Variants in HSH2D observed in about 807,000 individuals in gnomAD.
HSH2D encodes the protein hematopoietic SH2 domain containing.
HSH2D carries 16 observed loss-of-function variants against 21.5 expected under a neutral mutation model. That is an observed-to-expected ratio of 0.74 (90% confidence interval 0.50 to 1.13). The LOEUF (loss-of-function observed/expected upper bound fraction) is 1.13. Among genes scored for constraint, HSH2D ranks in the 50% most tolerant of loss-of-function variants. The pLI, the probability that HSH2D is intolerant of heterozygous loss-of-function variation, is 0.00. For missense variants in HSH2D, 418 were observed against 441.4 expected (o/e 0.95, Z 0.47); for synonymous variants, 172 against 184.7 (o/e 0.93, Z 0.56).
At chr19:16,144,844 C>G (rs368862604) in intron 1 of HSH2D, among the ~76,000 whole-genome samples, 1 of 150,846 alleles carries the variant, frequency 6.6e-6, no homozygotes, top group South Asian at 2.1e-4. Context: ...AGGCGCCCGC[C>G]ACCACACCCA....
intron 2 of HSH2D, among the ~76,000 whole-genome samples, chr19:16,152,117 A>T (rs976448757): frequency 2.9e-4 from 40 of 136,870 alleles, no homozygotes; most frequent in African/African-American, 1.1e-3. Context: ...ACAAAAAAAA[A>T]AAAAAAAAGG....
intron 1 of HSH2D, among the ~76,000 whole-genome samples, chr19:16,135,449 C>T (rs1029398526): frequency 6.6e-6 from 1 of 151,986 alleles, no homozygotes; most frequent in African/African-American, 2.4e-5. Context: ...CAAAAAACCT[C>T]CCCAGGTCTT....
chr19:16,140,860 C>T (rs969211572), upstream of HSH2D, among the ~76,000 whole-genome samples: 4 of 151,984 alleles, frequency 2.6e-5, no homozygotes, highest in Non-Finnish European at 5.9e-5. Flanking sequence ...GCACTCCAGC[C>T]TGGGCAACAG....
rs2091106761 is a variant in HSH2D, at chr19:16,148,781, C to T, written c.31C>T (p.Leu11=). 6.2e-7 allele frequency: 1 copy of T among 1,613,988 alleles called. No homozygotes were observed. Among genetic ancestry groups the T allele is most frequent in the Non-Finnish European group, 8.5e-7 (1 of 1,179,894 alleles). MTEAGKLPLP[L]PPRLDWFVHT... ...AGAGGCCGGGAAGCTGCCCCTACCG[C>T]TACCCCCACGGCTGGACTGGTTTGT... The change falls in exon 2 of 6, where the codon CTA becomes TTA. Residue 11 remains leucine (L), a synonymous_variant. Transcript: ENST00000613986.
At chr19:16,135,424 T>A (rs1331075751) in intron 1 of HSH2D, among the ~76,000 whole-genome samples, 1 of 151,460 alleles carries the variant, frequency 6.6e-6, no homozygotes. Context: ...GCAAGACCCT[T>A]TCTCAAAAAA....
Position 16,157,198 on chromosome 19 carries a change from T to C in HSH2D, c.475-12T>C. The C allele has an allele frequency of 6.6e-7, 1 of 1,518,642 alleles. No homozygotes were observed. The highest frequency in any genetic ancestry group is 8.8e-7 in the Non-Finnish European group (1 of 1,134,272). The allele number at this position is 1,518,642 out of a possible 1,614,324, so 94.1% of individuals were successfully genotyped here. A position where few individuals can be genotyped will look rare whatever the true frequency, so the allele number is the denominator to read the frequency against. On this transcript the variant is annotated splice_polypyrimidine_tract_variant and intron_variant, in intron 5 of 5. Coordinates refer to ENST00000613986, the MANE Select transcript of HSH2D (RefSeq NM_001382417.1). This position sits in a 1 kb window ranked among gnomAD's most constrained non-coding sequence, Gnocchi z 4.4. ...GCAAGCTGCCCCAGGCCTCCCCTACTCTCATTTTCAGGCCTCCCCAAAGCC... is the reference window on the plus strand; with the variant it reads ...GCAAGCTGCCCCAGGCCTCCCCTACCCTCATTTTCAGGCCTCCCCAAAGCC...
upstream of HSH2D, among the ~76,000 whole-genome samples, chr19:16,140,067 C>T (rs1038082071): frequency 1.3e-5 from 2 of 152,122 alleles, no homozygotes; most frequent in African/African-American, 4.8e-5. Context: ...AGCGTACCCC[C>T]ATGTTCCTGG....
chr19:16,135,335 G>C (rs536004650), intron 1 of HSH2D, among the ~76,000 whole-genome samples: 1 of 151,880 alleles, frequency 6.6e-6, no homozygotes, highest in Non-Finnish European at 1.5e-5. Context: ...AGGCTGAGGA[G>C]GGAGGATCAC....
chr19:16,150,794 G>A (rs1038121910), intron 2 of HSH2D, among the ~76,000 whole-genome samples: 3 of 151,984 alleles, frequency 2.0e-5, no homozygotes, highest in Admixed American at 1.3e-4. Flanking sequence ...GGAATTCAAG[G>A]TTTCAGTGAG....
At position 16,157,938 on chromosome 19, in the gene HSH2D, C is replaced by T; in HGVS notation, c.*144C>T. 1.6e-6 allele frequency: 1 copy of T among 633,592 alleles called. No individual in the cohort carries two copies. Among genetic ancestry groups the T allele is most frequent in the Non-Finnish European group, 2.7e-6 (1 of 367,586 alleles). The allele number at this position is 633,592 out of a possible 1,614,324, so 39.2% of individuals were successfully genotyped here. A position where few individuals can be genotyped will look rare whatever the true frequency, so the allele number is the denominator to read the frequency against. On this transcript the variant is annotated 3_prime_UTR_variant, in exon 6 of 6. Coordinates refer to ENST00000613986, the MANE Select transcript of HSH2D (RefSeq NM_001382417.1). This position sits in a 1 kb window ranked among gnomAD's most constrained non-coding sequence, Gnocchi z 4.4. ...AATGGAATAAAGATGTTTTTGGGGT[C>T]TGTTCCTGCACTCACCCATGGGGTG...
chr19:16,147,487 AAAAAAAAAAAAG>A (rs1374489682), intron 1 of HSH2D, among the ~76,000 whole-genome samples: 114 of 147,428 alleles, frequency 7.7e-4, no homozygotes, highest in Admixed American at 2.8e-3. Context: ...CTGTCTCAAA[AAAAAAAAAAAAG>A]AAAAAAAACA....
chr19:16,146,430 T>A (rs925420292), intron 1 of HSH2D, among the ~76,000 whole-genome samples: 1 of 152,138 alleles, frequency 6.6e-6, no homozygotes, highest in Non-Finnish European at 1.5e-5. Context: ...GATCCCAGTA[T>A]GTTGGGAGGC....
rs750727013 is a variant in HSH2D, at chr19:16,157,329, G to A, written c.594G>A (p.Glu198=). 2.5e-6 allele frequency: 4 copies of A among 1,613,842 alleles called. No homozygotes were observed. The South Asian group carries it at 3.3e-5, about 13-fold the overall frequency. The change falls in exon 6 of 6, where the codon GAG becomes GAA. Residue 198 remains glutamate, a synonymous_variant. Transcript: ENST00000613986. This position sits in a 1 kb window ranked among gnomAD's most constrained non-coding sequence, Gnocchi z 4.4. ...GCCCCCCAAAATCCCCTCTTGGAGA[G>A]ACCCGCCAGAAACTCTGGAGGAGCC... is the stretch of plus-strand genomic sequence containing the variant. The part of the protein sequence containing the change: ...SSCPPKSPLG[E]TRQKLWRSLK...
intron 1 of HSH2D, among the ~76,000 whole-genome samples, chr19:16,147,269 G>T (rs1285740107): frequency 6.6e-6 from 1 of 151,968 alleles, no homozygotes; most frequent in Non-Finnish European, 1.5e-5. Context: ...TGGATTTCTT[G>T]AGTCCAGGAG....
chr19:16,135,063 G>A lies in HSH2D; in HGVS notation c.-324+828G>A, dbSNP rs1376990764. Among the ~76,000 whole-genome samples the A allele has an allele frequency of 3.6e-5, 4 of 112,328 alleles. No individual in the cohort carries two copies. The Admixed American group carries it at 4.5e-4, about 13-fold the overall frequency. The allele number at this position is 112,328 out of a possible 152,430, so 73.7% of individuals were successfully genotyped here. A position where few individuals can be genotyped will look rare whatever the true frequency, so the allele number is the denominator to read the frequency against. On this transcript the variant is annotated intron_variant, in intron 1 of 7. Coordinates refer to the HSH2D transcript ENST00000616645. ...GTGGGTGGTTCACCTGAGGTCAGGAGTTCAGAGTTCAAGACCAGCCTGGCC... is the reference window on the plus strand; with the variant it reads ...GTGGGTGGTTCACCTGAGGTCAGGAATTCAGAGTTCAAGACCAGCCTGGCC...
Position 16,154,462 on chromosome 19 carries a change from G to T in HSH2D, c.445G>T (p.Ala149Ser), listed in dbSNP as rs1194709483. 3.2e-6 allele frequency: 5 copies of T among 1,552,746 alleles called. No homozygotes were observed. The South Asian group carries it at 4.8e-5, about 15-fold the overall frequency. The change falls in exon 5 of 6, where the codon GCT becomes TCT. Residue 149 changes from alanine to serine, a missense_variant. Transcript: ENST00000613986. Reference protein sequence around the residue: ...FLYSNAVAEEAACPVSAPEEA... With the variant: ...FLYSNAVAEESACPVSAPEEA... ...CTACTCCAACGCAGTGGCCGAGGAAGCTGCCTGCCCGGTGTCTGCCCCTGA... is the reference window on the plus strand; with the variant it reads ...CTACTCCAACGCAGTGGCCGAGGAATCTGCCTGCCCGGTGTCTGCCCCTGA...
chr19:16,154,358 C>G, intron 4 of HSH2D, 41 bp from the exon 5 acceptor site: 14 of 1,401,992 alleles, frequency 1.0e-5, no homozygotes, highest in Non-Finnish European at 1.2e-5. Flanking sequence ...GGACCTTTCC[C>G]CCTCCCTAGT....
At chr19:16,152,077 G>A (rs1239785189) in intron 2 of HSH2D, among the ~76,000 whole-genome samples, 2 of 132,626 alleles carry the variant, frequency 1.5e-5, no homozygotes, top group African/African-American at 5.7e-5. Context: ...ATTGCACTCA[G>A]CCTGGGAGAC....
chr19:16,153,122 C>T lies in HSH2D; in HGVS notation c.295C>T (p.His99Tyr), dbSNP rs780295676. 3.2e-5 allele frequency: 52 copies of T among 1,603,256 alleles called. No individual in the cohort carries two copies. Among genetic ancestry groups the T allele is most frequent in the Non-Finnish European group, 4.3e-5 (50 of 1,175,444 alleles). ...CATGATCCCCGGGGAGAAGGTGGCCCACACCTCGCTGGACGCCCTGGTCAC... is the reference window on the plus strand; with the variant it reads ...CATGATCCCCGGGGAGAAGGTGGCCTACACCTCGCTGGACGCCCTGGTCAC... ...TFMIPGEKVA[H>Y]TSLDALVTFH... Residue 99 changes from histidine (H) to tyrosine (Y), a missense_variant, in exon 4 of 6, where the codon CAC (histidine) becomes TAC (tyrosine). By Grantham distance (83) the His-to-Tyr change is moderately conservative. Coordinates refer to ENST00000613986, the MANE Select transcript of HSH2D (RefSeq NM_001382417.1).
Sources: allele counts gnomAD v4.1 joint callset (sites outside exome capture counted in the v4.1 genomes callset), GRCh38; gene constraint gnomAD v4.1.1; non-coding constraint Gnocchi (gnomAD v3.1); transcripts MANE v1.5; gene names NCBI Gene and HGNC (gene_info 2026-07-23, HGNC 2026-07-21).